Variants in VSTM2B observed in about 807,000 individuals in gnomAD.
VSTM2B encodes V-set and transmembrane domain containing 2B.
Under a neutral mutation model 24.0 loss-of-function variants are expected in VSTM2B, and 24 were observed. The ratio of observed to expected loss-of-function variants is 1.00; its 90% CI spans 0.72 to 1.40. VSTM2B has a LOEUF of 1.40. Ranked by LOEUF, VSTM2B falls within the 40% of genes most tolerant of loss-of-function variation. The pLI is 0.00. For synonymous variants in VSTM2B, 226 were observed against 194.4 expected (o/e 1.16, Z -1.35); for missense variants, 399 against 416.4 (o/e 0.96, Z 0.36).
chr19:29,537,907 C>T (rs1401119037), intron 4 of VSTM2B, among the ~76,000 whole-genome samples: 1 of 152,178 alleles, frequency 6.6e-6, no homozygotes. Flanking sequence ...CAGATCAGTC[C>T]TCCCCACAGC....
At chr19:29,549,465 C>T (rs113724268) in intron 4 of VSTM2B, among the ~76,000 whole-genome samples, 3,315 of 151,410 alleles carry the variant, frequency 0.022, 111 homozygotes, top group East Asian at 0.077. Flanking sequence ...AGAGCCCCAA[C>T]GCTGCCCCCA....
At chr19:29,557,883 C>T (rs983029457) in intron 4 of VSTM2B, among the ~76,000 whole-genome samples, 7 of 152,000 alleles carry the variant, frequency 4.6e-5, no homozygotes, top group African/African-American at 7.3e-5. Flanking sequence ...TTCTGTGCAG[C>T]AAAAGAAACT....
chr19:29,546,528 AG>A (rs1970160193), intron 4 of VSTM2B, among the ~76,000 whole-genome samples: 1 of 152,254 alleles, frequency 6.6e-6, no homozygotes, highest in African/African-American at 2.4e-5. Context: ...GCAGGGGCCG[AG>A]TGCAGCTGCT....
Position 29,526,604 on chromosome 19 carries a change from C to A in VSTM2B, c.21C>A (p.Leu7=), listed in dbSNP as rs1371029469. The A allele has an allele frequency of 2.6e-6, 4 of 1,528,110 alleles. No individual in the cohort carries two copies. The East Asian group carries it at 1.0e-4, about 38-fold the overall frequency. The allele number at this position is 1,528,110 out of a possible 1,614,324, so 94.7% of individuals were successfully genotyped here. A position where few individuals can be genotyped will look rare whatever the true frequency, so the allele number is the denominator to read the frequency against. The change falls in exon 1 of 5, where the codon CTC becomes CTA. Residue 7 remains leucine, a synonymous_variant. Coordinates refer to ENST00000335523, the MANE Select transcript of VSTM2B (RefSeq NM_001146339.2). This position sits in a 1 kb window ranked among gnomAD's most constrained non-coding sequence, Gnocchi z 4.1. The part of the protein sequence containing the change: MEQRNR[L]GALGYLPPLL... ...GGGAGATGGAACAGCGGAACCGGCT[C>A]GGTGCCCTCGGATACCTGCCGCCTC...
At chr19:29,562,793 C>G (rs1970563419) in intron 4 of VSTM2B, among the ~76,000 whole-genome samples, 1 of 152,104 alleles carries the variant, frequency 6.6e-6, no homozygotes, top group African/African-American at 2.4e-5. Flanking sequence ...GGTGAAGACC[C>G]TAAGGACCGA....
intron 4 of VSTM2B, among the ~76,000 whole-genome samples, chr19:29,532,806 G>A (rs1243284240): frequency 1.3e-5 from 2 of 152,250 alleles, no homozygotes; most frequent in African/African-American, 4.8e-5. Context: ...GCAGTTGGAA[G>A]CCAGGCTATG....
chr19:29,550,837 A>G (rs998430466), intron 4 of VSTM2B, among the ~76,000 whole-genome samples: 1 of 151,962 alleles, frequency 6.6e-6, no homozygotes, highest in African/African-American at 2.4e-5. Context: ...CTGAAAAAAA[A>G]AAAAAGCAGC....
At chr19:29,553,867 T>C (rs746254934) in intron 4 of VSTM2B, among the ~76,000 whole-genome samples, 1 of 151,632 alleles carries the variant, frequency 6.6e-6, no homozygotes, top group South Asian at 2.1e-4. Flanking sequence ...GCAGACAAGA[T>C]TAGAGAAAAA....
intron 4 of VSTM2B, among the ~76,000 whole-genome samples, chr19:29,549,300 G>A (rs1227193346): frequency 6.6e-6 from 1 of 152,156 alleles, no homozygotes; most frequent in Non-Finnish European, 1.5e-5. Flanking sequence ...GGCAGGCAGG[G>A]AAATAAGAAG....
chr19:29,530,034 G>A lies in VSTM2B; in HGVS notation c.513G>A (p.Pro171=), dbSNP rs1054139160. The A allele has an allele frequency of 1.4e-5, 22 of 1,528,434 alleles. No individual in the cohort carries two copies. The highest frequency in any genetic ancestry group is 3.7e-4 in the Middle Eastern group (2 of 5,466). The allele number at this position is 1,528,434 out of a possible 1,614,324, so 94.7% of individuals were successfully genotyped here. ...EAVSHIQSSG[P]RRHGPASAAN... ...TGTCCCACATCCAGAGCAGCGGCCCGCGTCGCCACGGCCCAGCCAGCGCCG... is the reference window on the plus strand; with the variant it reads ...TGTCCCACATCCAGAGCAGCGGCCCACGTCGCCACGGCCCAGCCAGCGCCG... Residue 171 remains proline (P), a synonymous_variant, in exon 4 of 5, where the codon CCG becomes CCA. Transcript: ENST00000335523.
chr19:29,530,427 T>C, intron 4 of VSTM2B, 137 bp downstream of exon 4: 2 of 736,620 alleles, frequency 2.7e-6, no homozygotes, highest in Non-Finnish European at 3.9e-6. Flanking sequence ...CCTAGTTAGG[T>C]CGGGAGCGCC....
chr19:29,539,569 G>A (rs555790625), intron 4 of VSTM2B, among the ~76,000 whole-genome samples: 1 of 152,154 alleles, frequency 6.6e-6, no homozygotes, highest in Non-Finnish European at 1.5e-5. Context: ...GTCAGGGAGT[G>A]CCCCACAGGG....
Position 29,526,658 on chromosome 19 carries a change from G to T in VSTM2B, c.75G>T (p.Val25=). The T allele has an allele frequency of 6.5e-7, 1 of 1,528,760 alleles. No homozygotes were observed. The allele number at this position is 1,528,760 out of a possible 1,614,324, so 94.7% of individuals were successfully genotyped here. Residue 25 remains valine, a synonymous_variant, in exon 1 of 5, where the codon GTG becomes GTT. Transcript: ENST00000335523. This position sits in a 1 kb window ranked among gnomAD's most constrained non-coding sequence, Gnocchi z 4.1. ...PLLLHALLLF[V]ADAAFTEVPK... ...TGCTGCATGCCCTGCTGCTCTTCGT[G>T]GCCGACGGTGAGCGCGGGAACTTTG...
chr19:29,552,522 C>T (rs150356755), intron 4 of VSTM2B, among the ~76,000 whole-genome samples: 19 of 152,324 alleles, frequency 1.2e-4, no homozygotes, highest in South Asian at 4.1e-4. Context: ...GATCATGCTA[C>T]CTTACCCAGG....
intron 4 of VSTM2B, among the ~76,000 whole-genome samples, chr19:29,555,441 C>T (rs932503375): frequency 2.6e-5 from 4 of 152,162 alleles, no homozygotes; most frequent in African/African-American, 9.7e-5. Flanking sequence ...TAAATGCCCA[C>T]ATCAAAAAGC....
chr19:29,550,847 C>T (rs1238329414), intron 4 of VSTM2B, among the ~76,000 whole-genome samples: 2 of 151,358 alleles, frequency 1.3e-5, no homozygotes, highest in African/African-American at 4.9e-5. Flanking sequence ...AAAAAAGCAG[C>T]ACTGTTTGCA....
At chr19:29,562,669 G>C (rs191201467) in intron 4 of VSTM2B, among the ~76,000 whole-genome samples, 45 of 152,294 alleles carry the variant, frequency 3.0e-4, no homozygotes, top group African/African-American at 1.0e-3. Flanking sequence ...GATCGTGCAG[G>C]GTGCTTCCAC....
intron 4 of VSTM2B, among the ~76,000 whole-genome samples, chr19:29,556,755 C>T (rs1970419019): frequency 6.6e-6 from 1 of 152,060 alleles, no homozygotes; most frequent in African/African-American, 2.4e-5. Context: ...AAAAGAGAGC[C>T]AAATCACAAA....
At chr19:29,539,414 T>C (rs1451126556) in intron 4 of VSTM2B, among the ~76,000 whole-genome samples, 1 of 151,678 alleles carries the variant, frequency 6.6e-6, no homozygotes, top group African/African-American at 2.4e-5. Context: ...AGGGGAGAAG[T>C]GGGGAGAAGG....
Sources: allele counts gnomAD v4.1 joint callset (sites outside exome capture counted in the v4.1 genomes callset), GRCh38; gene constraint gnomAD v4.1.1; non-coding constraint Gnocchi (gnomAD v3.1); transcripts MANE v1.5; gene names NCBI Gene and HGNC (gene_info 2026-07-23, HGNC 2026-07-21).